The following DHRSX variants were observed in gnomAD, a reference collection of about 807,000 sequenced individuals.
DHRSX encodes polyprenol dehydrogenase.
A neutral mutation model predicts 34.0 loss-of-function variants in DHRSX; 31 were observed. The observed-to-expected ratio is 0.91, with a 90% confidence interval of 0.69 to 1.23. The LOEUF (loss-of-function observed/expected upper bound fraction) is 1.23, where lower values mean the gene tolerates loss of function less well. DHRSX is among the 50% of genes most tolerant of loss of function. The probability of loss-of-function intolerance (pLI) is 0.00; values close to 1 mark genes in which losing one functional copy is unlikely to be tolerated. For missense variants in DHRSX, 414 were observed against 428.1 expected, an observed-to-expected ratio of 0.97 and a Z score of 0.29; for synonymous variants, 201 against 183.8, an observed-to-expected ratio of 1.09 and a Z score of -0.76.
At chrX:2,235,517 G>A (rs771786337) in intron 6 of DHRSX, among the ~76,000 whole-genome samples, 8 of 151,828 alleles carry the variant, frequency 5.3e-5, no homozygotes, top group East Asian at 1.9e-4. Context: ...GGCCGAGGCC[G>A]GCGGATCACA....
At chrX:2,376,792 G>A (rs1225742442) in intron 3 of DHRSX, among the ~76,000 whole-genome samples, 1 of 152,060 alleles carries the variant, frequency 6.6e-6, no homozygotes, top group Non-Finnish European at 1.5e-5. Context: ...TCAGGAGACT[G>A]AGACCATCCT....
intron 3 of DHRSX, among the ~76,000 whole-genome samples, chrX:2,303,821 A>G (rs1217308164): frequency 1.3e-4 from 10 of 78,690 alleles, no homozygotes; most frequent in East Asian, 4.6e-4. Flanking sequence ...GGGTGGGTGG[A>G]TGGGTGGGTG....
At chrX:2,248,294 G>T (rs1283587994) in intron 5 of DHRSX, among the ~76,000 whole-genome samples, 1 of 152,030 alleles carries the variant, frequency 6.6e-6, no homozygotes, top group Non-Finnish European at 1.5e-5. Context: ...TTAACTGGGT[G>T]TGGTGGTGGG....
At chrX:2,325,136 C>T (rs1464483920) in intron 3 of DHRSX, among the ~76,000 whole-genome samples, 1 of 152,014 alleles carries the variant, frequency 6.6e-6, no homozygotes, top group Non-Finnish European at 1.5e-5. Flanking sequence ...CCTGTCAAGT[C>T]GAGCTGCAGA....
chrX:2,288,808 G>C (rs1299618404), intron 4 of DHRSX, among the ~76,000 whole-genome samples: 1 of 152,168 alleles, frequency 6.6e-6, no homozygotes, highest in South Asian at 2.1e-4. Context: ...CCAACAACAA[G>C]ACCCTTTTGA....
At chrX:2,314,465 GGGGAGAAGGAAGGAAGGAA>G (rs2042214796) in intron 3 of DHRSX, among the ~76,000 whole-genome samples, 2 of 70,922 alleles carry the variant, frequency 2.8e-5, no homozygotes, top group African/African-American at 1.3e-4. Flanking sequence ...GAGGAAGGAA[GGGGAGAAGGAAGGAAGGAA>G]GGAAGGGAGG....
At chrX:2,359,004 C>G (rs1262053936) in intron 3 of DHRSX, among the ~76,000 whole-genome samples, 1 of 150,852 alleles carries the variant, frequency 6.6e-6, no homozygotes, top group Admixed American at 6.6e-5. Context: ...CAAAAACATT[C>G]AACATCACTG....
chrX:2,351,235 C>T (rs2042785444), intron 3 of DHRSX, among the ~76,000 whole-genome samples: 2 of 152,154 alleles, frequency 1.3e-5, no homozygotes, highest in Non-Finnish European at 2.9e-5. Context: ...TATCCCAGAA[C>T]TTAGAGTAAA....
chrX:2,458,679 T>G (rs1277068877), intron 1 of DHRSX, among the ~76,000 whole-genome samples: 1 of 91,016 alleles, frequency 1.1e-5, no homozygotes, highest in African/African-American at 5.3e-5. Flanking sequence ...GAATGCTTCA[T>G]GAAGTGTTTG....
intron 3 of DHRSX, among the ~76,000 whole-genome samples, chrX:2,350,047 A>T (rs760172097): frequency 3.9e-4 from 59 of 149,586 alleles, no homozygotes; most frequent in African/African-American, 1.4e-3. Flanking sequence ...GAAAAAAAAT[A>T]AAAAAAGAAC....
At chrX:2,246,683 AAAAAG>A (rs1397382972) in intron 5 of DHRSX, among the ~76,000 whole-genome samples, 12 of 135,318 alleles carry the variant, frequency 8.9e-5, no homozygotes, top group South Asian at 2.3e-4. Flanking sequence ...AGAAAGAAAG[AAAAAG>A]AAAAGAAAAG....
chrX:2,264,896 A>C (rs1228940371), intron 5 of DHRSX, among the ~76,000 whole-genome samples: 3 of 86,060 alleles, frequency 3.5e-5, no homozygotes, highest in African/African-American at 8.3e-5. Flanking sequence ...ACCAATGTGC[A>C]GCAAATGCGG....
intron 1 of DHRSX, among the ~76,000 whole-genome samples, chrX:2,497,779 A>G (rs927065252): frequency 2.0e-5 from 3 of 152,236 alleles, no homozygotes; most frequent in Non-Finnish European, 2.9e-5. Flanking sequence ...TGTAATTTCT[A>G]AACAGATCAC....
At chrX:2,240,425 G>C (rs1006356807) in intron 6 of DHRSX, among the ~76,000 whole-genome samples, 11 of 152,056 alleles carry the variant, frequency 7.2e-5, no homozygotes, top group Admixed American at 2.6e-4. Flanking sequence ...GTCCACATTG[G>C]GGGCGGGCAG....
In DHRSX at chrX:2,427,349, T is replaced by C. The variant is rs2043863359; in HGVS notation, c.110-2045A>G. On this transcript the variant is annotated intron_variant, in intron 1 of 6. Transcript: ENST00000334651. ...GAGCTTCTCTCTGGCAGACAGGGCG[T>C]CATCACGGGGCTCTGAGCCAATCTG... is the stretch of plus-strand genomic sequence containing the variant. Among the ~76,000 whole-genome samples the C allele has an allele frequency of 2.6e-5, 4 of 152,122 alleles. No homozygotes were observed. In the South Asian group the frequency reaches 8.3e-4, roughly 31 times the overall value.
At chrX:2,324,735 G>A (rs1036222266) in intron 3 of DHRSX, among the ~76,000 whole-genome samples, 71 of 151,710 alleles carry the variant, frequency 4.7e-4, no homozygotes, top group Non-Finnish European at 6.5e-4. Flanking sequence ...AGACAGTAAG[G>A]GTATGGGAGT....
chrX:2,232,505 C>A (rs1236465886), intron 6 of DHRSX, among the ~76,000 whole-genome samples: 1 of 152,116 alleles, frequency 6.6e-6, no homozygotes, highest in Admixed American at 6.6e-5. Context: ...GGCCAGAGAG[C>A]TTGTAAAAAC....
intron 3 of DHRSX, among the ~76,000 whole-genome samples, chrX:2,319,862 CTT>C (rs2042286979): frequency 1.3e-5 from 2 of 151,912 alleles, no homozygotes; most frequent in Non-Finnish European, 2.9e-5. Context: ...GAGTTTCCCT[CTT>C]GTTGCCCAGG....
At chrX:2,324,094 C>T (rs1378382181) in intron 3 of DHRSX, among the ~76,000 whole-genome samples, 2 of 151,406 alleles carry the variant, frequency 1.3e-5, no homozygotes, top group African/African-American at 2.4e-5. Flanking sequence ...CAAAGTTTTA[C>T]GATGACTCTG....
Sources: gnomAD v4.1 joint callset for allele counts (sites outside exome capture counted in the v4.1 genomes callset) on GRCh38, gnomAD v4.1.1 for gene constraint, MANE v1.5 for transcripts, NCBI Gene and HGNC (gene_info 2026-07-23, HGNC 2026-07-21) for gene names.